TSNARE1: variants seen among roughly 807,000 people sequenced by gnomAD.
TSNARE1 encodes t-SNARE domain containing 1.
A neutral mutation model predicts 62.0 loss-of-function variants in TSNARE1; 49 were observed. The observed-to-expected ratio is 0.79, with a 90% CI of 0.63 to 1.00. The LOEUF (loss-of-function observed/expected upper bound fraction) is 1.00, where lower values mean the gene tolerates loss of function less well. TSNARE1 is among the 50% of genes least tolerant of loss of function. TSNARE1 has a pLI of 0.00. For missense variants in TSNARE1, 755 were observed against 700.1 expected (o/e 1.08, Z -0.88); for synonymous variants, 328 against 294.4 (o/e 1.11, Z -1.17).
rs892756104 is a variant in TSNARE1, at chr8:142,283,954, G to A, written c.1363+459C>T. ...GGACCAGGTTCTGTCAATGAGCAGGGTGGGGGCCAGTGTCTGTCAAAGAGC... is the reference window on the plus strand; with the variant it reads ...GGACCAGGTTCTGTCAATGAGCAGGATGGGGGCCAGTGTCTGTCAAAGAGC... On this transcript the variant is annotated intron_variant, in intron 11 of 13. Transcript: ENST00000524325. Among the ~76,000 whole-genome samples, 5 of 143,512 alleles carry A rather than the reference G, an allele frequency of 3.5e-5. 1 individual carries two copies. The highest frequency in any genetic ancestry group is 7.4e-5 in the African/African-American group (3 of 40,724). 94.1% of individuals were successfully genotyped at this position (143,512 alleles called of 152,430 possible).
intron 12 of TSNARE1, among the ~76,000 whole-genome samples, chr8:142,255,983 C>CCAT (rs1818493593): frequency 1.1e-5 from 1 of 89,426 alleles, no homozygotes; most frequent in Non-Finnish European, 2.5e-5. Context: ...ATCACCACCA[C>CCAT]CACCACCGTC....
chr8:142,243,468 A>G (rs1376510925), intron 12 of TSNARE1, among the ~76,000 whole-genome samples: 1 of 152,140 alleles, frequency 6.6e-6, no homozygotes, highest in East Asian at 1.9e-4. Context: ...CACCTGGAAG[A>G]CATCATGCTT....
chr8:142,320,754 C>T (rs1349770912), intron 6 of TSNARE1, among the ~76,000 whole-genome samples: 1 of 152,284 alleles, frequency 6.6e-6, no homozygotes, highest in Non-Finnish European at 1.5e-5. Context: ...CCAGCACCAA[C>T]ACCTGCCCAG....
intron 4 of TSNARE1, among the ~76,000 whole-genome samples, chr8:142,334,567 T>G (rs932065207): frequency 6.6e-6 from 1 of 152,134 alleles, no homozygotes; most frequent in African/African-American, 2.4e-5. Flanking sequence ...CCAAATTTTA[T>G]GAAACTATAA....
intron 13 of TSNARE1, among the ~76,000 whole-genome samples, chr8:142,217,442 G>GC (rs1192684654): frequency 2.0e-5 from 3 of 152,166 alleles, no homozygotes; most frequent in African/African-American, 7.2e-5. Context: ...AGAGGCTTGG[G>GC]CCCCTCTGCT....
chr8:142,355,342 C>T (rs1420793046), intron 1 of TSNARE1, among the ~76,000 whole-genome samples: 1 of 152,268 alleles, frequency 6.6e-6, no homozygotes, highest in Non-Finnish European at 1.5e-5. Flanking sequence ...TCAGTTTCCT[C>T]ATCTGTGAAG....
intron 1 of TSNARE1, among the ~76,000 whole-genome samples, chr8:142,383,458 T>C (rs1461867567): frequency 2.0e-5 from 3 of 151,616 alleles, no homozygotes; most frequent in African/African-American, 7.3e-5. Flanking sequence ...CCATCCTCTG[T>C]GGGAGGCCCC....
At chr8:142,235,648 G>GT (rs2130131158) in intron 12 of TSNARE1, among the ~76,000 whole-genome samples, 1 of 152,266 alleles carries the variant, frequency 6.6e-6, no homozygotes, top group Admixed American at 6.5e-5. Context: ...TACAAATGCT[G>GT]TAATTATTGA....
At chr8:142,394,996 T>C (rs960977896) in intron 1 of TSNARE1, among the ~76,000 whole-genome samples, 5 of 152,114 alleles carry the variant, frequency 3.3e-5, no homozygotes, top group African/African-American at 1.2e-4. Flanking sequence ...TGGTGTCACC[T>C]TGGAGGCTGC....
chr8:142,229,042 G>A (rs1816966211), intron 13 of TSNARE1, among the ~76,000 whole-genome samples: 1 of 151,508 alleles, frequency 6.6e-6, no homozygotes, highest in Admixed American at 6.6e-5. Context: ...TGGATGGGTG[G>A]ATGAGTGGAT....
At chr8:142,357,554 G>A (rs911748934) in intron 1 of TSNARE1, among the ~76,000 whole-genome samples, 9 of 152,246 alleles carry the variant, frequency 5.9e-5, no homozygotes, top group African/African-American at 2.2e-4. Context: ...GCCCGGGAGG[G>A]AGGAGGGTGG....
chr8:142,220,097 C>T (rs746833323), intron 13 of TSNARE1, among the ~76,000 whole-genome samples: 2 of 152,230 alleles, frequency 1.3e-5, no homozygotes, highest in Non-Finnish European at 2.9e-5. Flanking sequence ...AAGCAGAGTG[C>T]CTGCAGGGTA....
At position 142,357,408 on chromosome 8, in the gene TSNARE1, G is replaced by A. The variant is rs145154335; in HGVS notation, c.-39-2645C>T. 1.5e-3 allele frequency among the ~76,000 whole-genome samples: 226 copies of A among 152,316 alleles called. 1 individual carries two copies. Among genetic ancestry groups the A allele is most frequent in the Middle Eastern group, 0.014 (4 of 294 alleles). On this transcript the variant is annotated intron_variant, in intron 1 of 13. Coordinates refer to ENST00000524325, the MANE Select transcript of TSNARE1 (RefSeq NM_145003.5). Reference sequence around the variant, plus strand: ...CTTGCCATCACCTCAAATGATGGTGGGGCGCTGGTGGGGCCAGCCAGGCCT... The same window carrying A: ...CTTGCCATCACCTCAAATGATGGTGAGGCGCTGGTGGGGCCAGCCAGGCCT...
intron 12 of TSNARE1, among the ~76,000 whole-genome samples, chr8:142,232,633 C>T (rs1195317973): frequency 6.6e-6 from 1 of 152,222 alleles, no homozygotes; most frequent in African/African-American, 2.4e-5. Flanking sequence ...GGACACTCTG[C>T]AGCTCCAGCC....
At chr8:142,243,548 A>C (rs1015968251) in intron 12 of TSNARE1, among the ~76,000 whole-genome samples, 1 of 149,486 alleles carries the variant, frequency 6.7e-6, no homozygotes, top group Non-Finnish European at 1.5e-5. Flanking sequence ...TCTAAAAAAA[A>C]CCTGAACTCA....
In TSNARE1 at chr8:142,304,973, A is replaced by G. The variant is rs151286779; in HGVS notation, c.1132-4329T>C. On this transcript the variant is annotated intron_variant, in intron 9 of 13. Transcript: ENST00000524325. Reference sequence around the variant, plus strand: ...GTAAAGTCAAAGCCCCCAGGTAAACATAACAAACTTTTGAGGTAAGAGGTC... The same window carrying G: ...GTAAAGTCAAAGCCCCCAGGTAAACGTAACAAACTTTTGAGGTAAGAGGTC... 2.5e-3 allele frequency among the ~76,000 whole-genome samples: 376 copies of G among 152,284 alleles called. 3 individuals carry two copies. The highest frequency in any genetic ancestry group is 3.4e-3 in the Middle Eastern group (1 of 292).
At chr8:142,389,427 T>C (rs1242773382) in intron 1 of TSNARE1, among the ~76,000 whole-genome samples, 4 of 152,174 alleles carry the variant, frequency 2.6e-5, no homozygotes, top group Non-Finnish European at 5.9e-5. Flanking sequence ...TACATCAAAA[T>C]TACAAAAGTG....
intron 1 of TSNARE1, among the ~76,000 whole-genome samples, chr8:142,396,897 G>C (rs183074255): frequency 6.6e-6 from 1 of 152,352 alleles, no homozygotes; most frequent in East Asian, 1.9e-4. Flanking sequence ...TCTACTGTGC[G>C]AGCTGGCCGT....
At chr8:142,277,171 G>A in intron 11 of TSNARE1, 1 of 985,328 alleles carries the variant, frequency 1.0e-6, no homozygotes, top group Non-Finnish European at 1.2e-6. Flanking sequence ...CAGGCCCTGG[G>A]CACCTGCTCC....
Sources: gnomAD v4.1 joint callset for allele counts (sites outside exome capture counted in the v4.1 genomes callset) on GRCh38, gnomAD v4.1.1 for gene constraint, MANE v1.5 for transcripts, NCBI Gene and HGNC (gene_info 2026-07-23, HGNC 2026-07-21) for gene names.